The following RBM27 variants were observed in gnomAD, a reference collection of about 807,000 sequenced individuals.
The protein encoded by RBM27 is RNA-binding protein 27.
RBM27 carries 22 observed loss-of-function variants against 135.3 expected under a neutral mutation model. The ratio of observed to expected loss-of-function variants is 0.16; its 90% CI spans 0.12 to 0.23. The LOEUF is 0.23. Ranked by LOEUF, RBM27 falls within the 10% of genes least tolerant of loss-of-function variation. The probability of loss-of-function intolerance (pLI) is 1.00; values close to 1 mark genes in which losing one functional copy is unlikely to be tolerated. For missense variants in RBM27, 1,009 were observed against 1,281.0 expected, an observed-to-expected ratio of 0.79 and a Z score of 3.24; for synonymous variants, 481 against 442.4, an observed-to-expected ratio of 1.09 and a Z score of -1.10.
chr5:146,261,219 A>G lies in RBM27; in HGVS notation c.1894-291A>G, dbSNP rs1758381669. Among the ~76,000 whole-genome samples the G allele has an allele frequency of 1.3e-5, 2 of 152,190 alleles. 1 individual carries two copies. Among genetic ancestry groups the G allele is most frequent in the Admixed American group, 1.3e-4 (2 of 15,276 alleles). The stretch of plus-strand genomic sequence containing the variant: ...GGAGTGCTGTCTTCCTCGCTTGCAG[A>G]TGGTTGGCTTCTTGTGTTCTCACAT... On this transcript the variant is annotated intron_variant, in intron 12 of 20. Transcript: ENST00000265271.
chr5:146,272,591 G>A lies in RBM27; in HGVS notation c.2988+917G>A, dbSNP rs557455728. On this transcript the variant is annotated intron_variant, in intron 19 of 20. Transcript: ENST00000265271. ...ACAAAAATTAGCTGGGTGTGGTGGT[G>A]TGCGCCTGTAATCCCAGCTTCTTAG... Among the ~76,000 whole-genome samples the A allele has an allele frequency of 1.3e-4, 20 of 152,098 alleles. No individual in the cohort carries two copies. The South Asian group carries it at 4.2e-3, about 32-fold the overall frequency.
At chr5:146,270,637 AT>A (rs1758823496) in intron 17 of RBM27, among the ~76,000 whole-genome samples, 2 of 152,106 alleles carry the variant, frequency 1.3e-5, no homozygotes, top group Non-Finnish European at 2.9e-5. Flanking sequence ...TATATAATTT[AT>A]TTTGCTCCAT....
chr5:146,283,404 G>A (rs1042007166), intron 19 of RBM27, among the ~76,000 whole-genome samples: 1 of 152,110 alleles, frequency 6.6e-6, no homozygotes, highest in Non-Finnish European at 1.5e-5. Flanking sequence ...AGGTGAGGTG[G>A]TGCATGCCTG....
intron 3 of RBM27, 65 bp from the exon 4 acceptor site, chr5:146,228,881 G>C (rs1385617998): frequency 7.7e-7 from 1 of 1,299,850 alleles, no homozygotes; most frequent in Non-Finnish European, 1.1e-6. Context: ...GTAAAATGTT[G>C]GGATTACAGG....
At chr5:146,216,965 T>TCG (rs1756222273) in intron 1 of RBM27, among the ~76,000 whole-genome samples, 1 of 151,998 alleles carries the variant, frequency 6.6e-6, no homozygotes. Context: ...TGAGTGACTC[T>TCG]CTGTCTATTT....
intron 3 of RBM27, among the ~76,000 whole-genome samples, chr5:146,225,700 G>C (rs954921167): frequency 1.3e-5 from 2 of 151,962 alleles, no homozygotes; most frequent in African/African-American, 4.8e-5. Context: ...TAAGTAGCTG[G>C]GATTACAGGC....
intron 8 of RBM27, among the ~76,000 whole-genome samples, chr5:146,240,560 C>A (rs1757364584): frequency 6.6e-6 from 1 of 152,182 alleles, no homozygotes; most frequent in African/African-American, 2.4e-5. Flanking sequence ...CTCCTGACCT[C>A]AGGTGATCCG....
Position 146,243,188 on chromosome 5 carries a change from C to A in RBM27, c.1279+5756C>A, listed in dbSNP as rs1392784919. Reference sequence around the variant, plus strand: ...GGCTGAGGCCAGAGAATCACTTGAGCCTGGGAGGCAGAGGTTGCAGTGAGC... The same window carrying A: ...GGCTGAGGCCAGAGAATCACTTGAGACTGGGAGGCAGAGGTTGCAGTGAGC... On this transcript the variant is annotated intron_variant, in intron 8 of 20. Transcript: ENST00000265271. Among the ~76,000 whole-genome samples, 3 of 151,990 alleles carry A rather than the reference C, an allele frequency of 2.0e-5. No individual in the cohort carries two copies. The South Asian group carries it at 6.2e-4, about 32-fold the overall frequency.
At chr5:146,268,853 C>T (rs1052062232) in intron 15 of RBM27, among the ~76,000 whole-genome samples, 1 of 152,104 alleles carries the variant, frequency 6.6e-6, no homozygotes, top group Non-Finnish European at 1.5e-5. Context: ...CAAGTTGAGC[C>T]ACCATGCCTA....
chr5:146,223,589 G>A, intron 3 of RBM27, 62 bp downstream of exon 3: 1 of 1,527,044 alleles, frequency 6.5e-7, no homozygotes. Context: ...AGTATCCTTA[G>A]TTGGAAGTTG....
intron 3 of RBM27, 84 bp from the exon 4 acceptor site, chr5:146,228,862 C>G: frequency 9.3e-7 from 1 of 1,077,388 alleles, no homozygotes. Context: ...GTCTTCCCAC[C>G]TGGACCTCGT....
At chr5:146,211,941 A>G (rs1308736838) in intron 1 of RBM27, among the ~76,000 whole-genome samples, 2 of 152,232 alleles carry the variant, frequency 1.3e-5, no homozygotes, top group Non-Finnish European at 2.9e-5. Flanking sequence ...ATGAATTTTT[A>G]TATAGCTACA....
At position 146,211,464 on chromosome 5, in the gene RBM27, C is replaced by CTTTTTTTT. The variant is rs57117642; in HGVS notation, c.60-7498_60-7491dup. ...CTTACTTTGTCCAGTATGGTCTTAT[C>CTTTTTTTT]TTTTTTTTTTTTTTTTTTTTTTTTT... On this transcript the variant is annotated intron_variant, in intron 1 of 20. Transcript: ENST00000265271. Among the ~76,000 whole-genome samples, 55 of 49,934 alleles carry CTTTTTTTT rather than the reference C, an allele frequency of 1.1e-3. 1 individual carries two copies. The highest frequency in any genetic ancestry group is 1.8e-3 in the African/African-American group (26 of 14,610). 32.8% of individuals were successfully genotyped at this position (49,934 alleles called of 152,430 possible).
chr5:146,256,181 A>G (rs757082959), intron 10 of RBM27, among the ~76,000 whole-genome samples: 1 of 149,808 alleles, frequency 6.7e-6, no homozygotes, highest in East Asian at 2.0e-4. Flanking sequence ...CTTCCTTTCT[A>G]TCCTAGCTTT....
At chr5:146,240,294 ATCTG>A (rs59670617) in intron 8 of RBM27, among the ~76,000 whole-genome samples, 15,357 of 148,140 alleles carry the variant, frequency 0.1, 1,492 homozygotes, top group African/African-American at 0.26. Context: ...GCTGTTTTCT[ATCTG>A]TCTGTCTGTC....
At chr5:146,209,595 T>C (rs147300240) in intron 1 of RBM27, among the ~76,000 whole-genome samples, 1 of 152,198 alleles carries the variant, frequency 6.6e-6, no homozygotes, top group African/African-American at 2.4e-5. Context: ...CCTTATCAAA[T>C]TGAACTCTGG....
At chr5:146,278,146 G>A (rs976442989) in intron 19 of RBM27, among the ~76,000 whole-genome samples, 4 of 152,064 alleles carry the variant, frequency 2.6e-5, no homozygotes, top group Middle Eastern at 3.2e-3. Context: ...CTTGAATTTT[G>A]TTTTTTTATC....
rs146575859 is a variant in RBM27 at position 146,239,976 on chromosome 5, A to G, written c.1279+2544A>G. On this transcript the variant is annotated intron_variant, in intron 8 of 20. Transcript: ENST00000265271. ...AATTTTTTTGTAGAGACGGAGTCTC[A>G]CTATGTTGCTCAGGCTGGTCTCAAA... is the stretch of plus-strand genomic sequence containing the variant. 6.2e-3 allele frequency among the ~76,000 whole-genome samples: 938 copies of G among 151,944 alleles called. 10 individuals are homozygous for G. The highest frequency in any genetic ancestry group is 0.022 in the African/African-American group (897 of 41,446).
At chr5:146,228,897 G>A in intron 3 of RBM27, 49 bp from the exon 4 acceptor site, 3 of 1,489,720 alleles carry the variant, frequency 2.0e-6, no homozygotes, top group Non-Finnish European at 2.8e-6. Flanking sequence ...ACAGGTGTGA[G>A]CCACCGTGCC....
Sources: allele counts gnomAD v4.1 joint callset (sites outside exome capture counted in the v4.1 genomes callset), GRCh38; gene constraint gnomAD v4.1.1; transcripts MANE v1.5; gene names NCBI Gene and HGNC (gene_info 2026-07-23, HGNC 2026-07-21).